The following STK3 variants were observed in gnomAD, a reference collection of about 807,000 sequenced individuals.
STK3 encodes the protein serine/threonine-protein kinase 3.
STK3 carries 41 observed loss-of-function variants against 58.0 expected under a neutral mutation model. The ratio of observed to expected loss-of-function variants is 0.71; its 90% CI spans 0.55 to 0.92. The LOEUF (loss-of-function observed/expected upper bound fraction) is 0.92, where lower values mean the gene tolerates loss of function less well. STK3 is among the 40% of genes least tolerant of loss of function. STK3 has a pLI of 0.00. For missense variants in STK3, 479 were observed against 602.7 expected (o/e 0.79, Z 2.15); for synonymous variants, 170 against 191.0 (o/e 0.89, Z 0.91).
chr8:98,482,619 G>T (rs527972487), intron 10 of STK3, among the ~76,000 whole-genome samples: 5 of 152,060 alleles, frequency 3.3e-5, no homozygotes, highest in Admixed American at 3.3e-4. Flanking sequence ...CTCCCTTAGA[G>T]ACTCTACGCA....
chr8:98,881,018 G>A (rs1837771773), downstream of STK3: 1 of 152,168 alleles, frequency 6.6e-6, no homozygotes, highest in African/African-American at 2.4e-5. Flanking sequence ...GCATATGAAT[G>A]TTTAGTTAAT....
chr8:98,893,504 G>GAAAGAAAGAAA (rs1564087443), intron 1 of STK3, among the ~76,000 whole-genome samples: 15 of 120,376 alleles, frequency 1.2e-4, no homozygotes, highest in African/African-American at 4.1e-4. Flanking sequence ...AAGAAAGAAA[G>GAAAGAAAGAAA]AAAGAAAGAA....
intron 1 of STK3, among the ~76,000 whole-genome samples, chr8:98,791,804 A>C (rs1832822450): frequency 6.6e-6 from 1 of 152,208 alleles, no homozygotes; most frequent in South Asian, 2.1e-4. Flanking sequence ...TCACCTTATA[A>C]AAAATCAGCT....
intron 1 of STK3, among the ~76,000 whole-genome samples, chr8:98,444,496 G>A (rs1043010686): frequency 3.9e-5 from 6 of 152,238 alleles, no homozygotes; most frequent in Non-Finnish European, 7.3e-5. Context: ...ATTCTGGCAG[G>A]AGACAATGAG....
At chr8:98,483,857 T>A (rs944371314) in intron 10 of STK3, among the ~76,000 whole-genome samples, 18 of 152,220 alleles carry the variant, frequency 1.2e-4, no homozygotes, top group Admixed American at 4.6e-4. Context: ...CCATGGTGAT[T>A]AAGACCAGCT....
At chr8:98,370,061 C>G (rs1817595921), downstream of STK3, among the ~76,000 whole-genome samples, 1 of 149,416 alleles carries the variant, frequency 6.7e-6, no homozygotes, top group Non-Finnish European at 1.5e-5. Flanking sequence ...TGGGGCCTCA[C>G]AGTCAGACAT....
chr8:98,490,438 T>C (rs1253551312), intron 10 of STK3, among the ~76,000 whole-genome samples: 1 of 152,188 alleles, frequency 6.6e-6, no homozygotes. Flanking sequence ...ATAGAGGTAA[T>C]AGCTGACACT....
At chr8:98,427,904 G>T in intron 3 of STK3, 1 of 1,294,010 alleles carries the variant, frequency 7.7e-7, no homozygotes, top group Non-Finnish European at 1.0e-6. Flanking sequence ...AGGGCGCACG[G>T]CGCTCTCGCC....
At chr8:98,864,644 T>A (rs1197017085) in intron 3 of STK3, among the ~76,000 whole-genome samples, 1 of 152,256 alleles carries the variant, frequency 6.6e-6, no homozygotes, top group Non-Finnish European at 1.5e-5. Context: ...GGTAACTTCA[T>A]GAGAAATGTA....
chr8:98,586,905 C>T (rs987651225), intron 7 of STK3, among the ~76,000 whole-genome samples: 5 of 151,800 alleles, frequency 3.3e-5, no homozygotes, highest in African/African-American at 9.7e-5. Context: ...GTAGTATTCT[C>T]GGATGGTAGT....
chr8:98,858,146 C>T (rs536338935), intron 3 of STK3, among the ~76,000 whole-genome samples: 1 of 151,044 alleles, frequency 6.6e-6, no homozygotes, highest in South Asian at 2.1e-4. Context: ...CCTTGGGAGG[C>T]CGAGGTGAGC....
chr8:98,670,378 T>C (rs1822738221), intron 6 of STK3, among the ~76,000 whole-genome samples: 1 of 151,370 alleles, frequency 6.6e-6, no homozygotes, highest in Non-Finnish European at 1.5e-5. Context: ...AGAAAAAAAA[T>C]GAAAGAAGTA....
At chr8:98,670,797 G>A (rs1822770043) in intron 6 of STK3, among the ~76,000 whole-genome samples, 1 of 152,164 alleles carries the variant, frequency 6.6e-6, no homozygotes, top group Non-Finnish European at 1.5e-5. Context: ...CCACCTTCCT[G>A]TCCCCTCTCT....
intron 1 of STK3, among the ~76,000 whole-genome samples, chr8:98,898,365 C>G (rs1457872074): frequency 2.0e-5 from 3 of 152,194 alleles, no homozygotes; most frequent in African/African-American, 7.2e-5. Context: ...TACCTGGCTT[C>G]CCATGATTGT....
At chr8:98,381,380 T>G (rs1172970738) in intron 1 of STK3, among the ~76,000 whole-genome samples, 2 of 152,256 alleles carry the variant, frequency 1.3e-5, no homozygotes, top group Non-Finnish European at 2.9e-5. Context: ...TCTTTCAATC[T>G]TAACTGTAGA....
intron 1 of STK3, among the ~76,000 whole-genome samples, chr8:98,449,410 A>G (rs1819097068): frequency 6.6e-6 from 1 of 152,236 alleles, no homozygotes; most frequent in African/African-American, 2.4e-5. Flanking sequence ...TATATACAGC[A>G]TAGAATCCTA....
chr8:98,566,480 A>T (rs529963439), intron 8 of STK3, among the ~76,000 whole-genome samples: 24 of 152,136 alleles, frequency 1.6e-4, no homozygotes, highest in Non-Finnish European at 2.9e-4. Flanking sequence ...ATCCACACAC[A>T]ATAGACCCAA....
At chr8:98,418,953 C>T (rs1375435839) in intron 3 of STK3, among the ~76,000 whole-genome samples, 1 of 152,218 alleles carries the variant, frequency 6.6e-6, no homozygotes, top group Non-Finnish European at 1.5e-5. Context: ...CTCCCACCAC[C>T]CTTGGTGCCT....
chr8:98,555,830 A>G (rs1478086271), intron 8 of STK3, among the ~76,000 whole-genome samples: 2 of 152,068 alleles, frequency 1.3e-5, no homozygotes, highest in African/African-American at 4.8e-5. Flanking sequence ...CTCAAAACGG[A>G]GCTATGGTAA....
Sources: allele counts gnomAD v4.1 joint callset (sites outside exome capture counted in the v4.1 genomes callset), GRCh38; gene constraint gnomAD v4.1.1; transcripts MANE v1.5; gene names NCBI Gene and HGNC (gene_info 2026-07-23, HGNC 2026-07-21).